Variants in LDB2 observed in about 807,000 individuals in gnomAD.
LDB2 encodes the protein LIM domain binding 2.
A neutral mutation model predicts 44.3 loss-of-function variants in LDB2; 12 were observed. The ratio of observed to expected loss-of-function variants is 0.27; its 90% CI spans 0.17 to 0.44. LDB2 has a LOEUF of 0.44. Among genes scored for constraint, LDB2 ranks in the 20% least tolerant of loss-of-function variants. The pLI, the probability that LDB2 is intolerant of heterozygous loss-of-function variation, is 1.00. For missense variants in LDB2, 344 were observed against 473.5 expected (o/e 0.73, Z 2.54); for synonymous variants, 164 against 174.8 (o/e 0.94, Z 0.49).
chr4:16,653,493 C>A (rs1560767501), intron 2 of LDB2, among the ~76,000 whole-genome samples: 1 of 152,234 alleles, frequency 6.6e-6, no homozygotes, highest in East Asian at 1.9e-4. Flanking sequence ...GTTAATATTG[C>A]CAAAGAAAGG....
chr4:16,712,369 T>C (rs905679265), intron 2 of LDB2, among the ~76,000 whole-genome samples: 3 of 151,912 alleles, frequency 2.0e-5, no homozygotes, highest in Non-Finnish European at 4.4e-5. Flanking sequence ...CTGGCCAACA[T>C]GGTGAAACCC....
chr4:16,523,109 G>A (rs978627522), intron 5 of LDB2, among the ~76,000 whole-genome samples: 5 of 152,120 alleles, frequency 3.3e-5, no homozygotes, highest in Non-Finnish European at 7.4e-5. Context: ...TACCAATGGG[G>A]TATGTATATG....
chr4:16,530,479 T>C (rs1729777020), intron 5 of LDB2, among the ~76,000 whole-genome samples: 1 of 152,214 alleles, frequency 6.6e-6, no homozygotes, highest in African/African-American at 2.4e-5. Flanking sequence ...CAGCAGAAAG[T>C]AAGCTGCCCA....
chr4:16,585,219 G>A (rs1258661416), intron 5 of LDB2, among the ~76,000 whole-genome samples: 1 of 152,132 alleles, frequency 6.6e-6, no homozygotes, highest in East Asian at 1.9e-4. Context: ...ACCCTGGCTG[G>A]GAGCACCCGC....
chr4:16,507,459 C>T (rs1025992348), intron 7 of LDB2, among the ~76,000 whole-genome samples: 11 of 151,806 alleles, frequency 7.2e-5, no homozygotes, highest in Admixed American at 3.9e-4. Flanking sequence ...AATCCCTGTG[C>T]GAAGGTCCAC....
chr4:16,799,068 T>C (rs1485622832), intron 1 of LDB2, among the ~76,000 whole-genome samples: 3 of 152,190 alleles, frequency 2.0e-5, no homozygotes, highest in African/African-American at 7.2e-5. Flanking sequence ...TTAGCCAGGA[T>C]GGTCTTGATC....
intron 1 of LDB2, among the ~76,000 whole-genome samples, chr4:16,774,090 G>A (rs1179626387): frequency 6.8e-6 from 1 of 147,484 alleles, no homozygotes; most frequent in Non-Finnish European, 1.5e-5. Flanking sequence ...GGGAGGCAGA[G>A]GTTGCAGTGA....
At chr4:16,701,163 G>A (rs1753347483) in intron 2 of LDB2, among the ~76,000 whole-genome samples, 1 of 152,140 alleles carries the variant, frequency 6.6e-6, no homozygotes, top group Non-Finnish European at 1.5e-5. Flanking sequence ...GCAAGCAAAG[G>A]GCAAAATAAC....
intron 2 of LDB2, among the ~76,000 whole-genome samples, chr4:16,632,240 C>T (rs1214464494): frequency 6.6e-6 from 1 of 152,184 alleles, no homozygotes; most frequent in Non-Finnish European, 1.5e-5. Context: ...CCACCATGAT[C>T]AAGTTGACTT....
Position 16,588,749 on chromosome 4 carries a change from T to G in LDB2, c.492A>C (p.Gln164His), listed in dbSNP as rs1398453313. 1.2e-6 allele frequency: 2 copies of G among 1,613,904 alleles called. No homozygotes were observed. The highest frequency in any genetic ancestry group is 8.5e-7 in the Non-Finnish European group (1 of 1,179,800). Residue 164 changes from glutamine (Q) to histidine (H), a missense_variant, in exon 4 of 8, where the codon CAA (glutamine) becomes CAC (histidine). Physicochemically the swap from Gln to His is conservative, Grantham distance 24 (BLOSUM62 0). Coordinates refer to ENST00000304523, the MANE Select transcript of LDB2 (RefSeq NM_001290.5). ...RIKTWHFTIRQYRELVPRSIL... is the reference protein window; with the variant it reads ...RIKTWHFTIRHYRELVPRSIL... ...TGCTTCTCGGGACTAACTCTCGGTA[T>G]TGTCTAATGGTAAAGTGCCATGTTT...
chr4:16,668,085 T>A (rs1032641288), intron 2 of LDB2, among the ~76,000 whole-genome samples: 8 of 152,180 alleles, frequency 5.3e-5, no homozygotes, highest in Non-Finnish European at 8.8e-5. Context: ...TAGAGTAGAA[T>A]AGAAAGTTAA....
chr4:16,867,136 C>T (rs184317706), intron 1 of LDB2, among the ~76,000 whole-genome samples: 20 of 152,266 alleles, frequency 1.3e-4, no homozygotes, highest in African/African-American at 4.6e-4. Context: ...CAGTCAGGAG[C>T]CAACATCAAC....
intron 2 of LDB2, among the ~76,000 whole-genome samples, chr4:16,668,154 AT>A (rs1351674427): frequency 4.4e-4 from 19 of 43,502 alleles, no homozygotes; most frequent in Admixed American, 1.8e-3. Context: ...TATACGATAA[AT>A]ATATATATAT....
intron 2 of LDB2, among the ~76,000 whole-genome samples, chr4:16,599,198 A>G (rs1381563206): frequency 6.6e-6 from 1 of 152,152 alleles, no homozygotes; most frequent in East Asian, 1.9e-4. Context: ...AATCAGACAT[A>G]GGGCTTGCTG....
intron 5 of LDB2, among the ~76,000 whole-genome samples, chr4:16,561,682 C>T (rs554870666): frequency 2.2e-4 from 34 of 152,206 alleles, no homozygotes; most frequent in African/African-American, 7.7e-4. Flanking sequence ...CCCATCAAGC[C>T]ACCAATGACT....
At chr4:16,823,093 A>T (rs551572225) in intron 1 of LDB2, among the ~76,000 whole-genome samples, 2 of 152,330 alleles carry the variant, frequency 1.3e-5, no homozygotes, top group African/African-American at 4.8e-5. Flanking sequence ...ACTTGATATA[A>T]GCACAATTTG....
intron 2 of LDB2, among the ~76,000 whole-genome samples, chr4:16,748,719 C>G (rs1764861715): frequency 6.6e-6 from 1 of 152,136 alleles, no homozygotes; most frequent in Non-Finnish European, 1.5e-5. Context: ...CCATTATTAT[C>G]TAAAAGAAAT....
intron 1 of LDB2, among the ~76,000 whole-genome samples, chr4:16,835,052 G>A (rs1289448961): frequency 1.3e-5 from 2 of 152,094 alleles, no homozygotes; most frequent in Non-Finnish European, 2.9e-5. Context: ...GATCCCAGTG[G>A]CTTGGTTATT....
At chr4:16,537,366 A>G (rs901168571) in intron 5 of LDB2, among the ~76,000 whole-genome samples, 1 of 152,262 alleles carries the variant, frequency 6.6e-6, no homozygotes, top group African/African-American at 2.4e-5. Context: ...ACCCAAGTAC[A>G]GATCTACTGC....
Sources: gnomAD v4.1 joint callset for allele counts (sites outside exome capture counted in the v4.1 genomes callset) on GRCh38, gnomAD v4.1.1 for gene constraint, MANE v1.5 for transcripts, NCBI Gene and HGNC (gene_info 2026-07-23, HGNC 2026-07-21) for gene names.